The following RNF220 variants were observed in gnomAD, a reference collection of about 807,000 sequenced individuals.
The protein encoded by RNF220 is ring finger protein 220.
In RNF220, 7 loss-of-function variants were observed where a neutral mutation model predicts 67.1. The ratio of observed to expected loss-of-function variants is 0.10; its 90% CI spans 0.06 to 0.20. The LOEUF (loss-of-function observed/expected upper bound fraction) is 0.20, where lower values mean the gene tolerates loss of function less well. RNF220 is among the 10% of genes least tolerant of loss of function. The pLI is 1.00. For missense variants in RNF220, 565 were observed against 740.3 expected, an observed-to-expected ratio of 0.76 and a Z score of 2.75; for synonymous variants, 270 against 283.2, an observed-to-expected ratio of 0.95 and a Z score of 0.47.
intron 2 of RNF220, among the ~76,000 whole-genome samples, chr1:44,481,939 A>C (rs80225733): frequency 6.6e-6 from 1 of 152,234 alleles, no homozygotes; most frequent in Non-Finnish European, 1.5e-5. Context: ...TCTCAGTTGT[A>C]ACAGGAGAGA....
intron 2 of RNF220, among the ~76,000 whole-genome samples, chr1:44,430,128 A>G (rs1038811182): frequency 1.3e-5 from 2 of 151,936 alleles, no homozygotes; most frequent in Non-Finnish European, 2.9e-5. Flanking sequence ...ATCTTTATAT[A>G]TGCATATAAA....
At chr1:44,550,395 T>G (rs1662534094) in intron 2 of RNF220, among the ~76,000 whole-genome samples, 1 of 152,174 alleles carries the variant, frequency 6.6e-6, no homozygotes, top group Non-Finnish European at 1.5e-5. Context: ...CTGGGAAGGC[T>G]GTTGAGTACC....
chr1:44,619,201 G>A (rs1643689884), intron 3 of RNF220, among the ~76,000 whole-genome samples: 1 of 152,200 alleles, frequency 6.6e-6, no homozygotes, highest in African/African-American at 2.4e-5. Flanking sequence ...GCTAAAAGTT[G>A]GGCTTGGCTT....
At chr1:44,629,240 C>T (rs1168938707) in intron 5 of RNF220, among the ~76,000 whole-genome samples, 1 of 152,264 alleles carries the variant, frequency 6.6e-6, no homozygotes, top group Non-Finnish European at 1.5e-5. Flanking sequence ...TCACACATCA[C>T]TTCCACCACT....
At chr1:44,435,381 G>T (rs1021699296) in intron 2 of RNF220, among the ~76,000 whole-genome samples, 4 of 152,164 alleles carry the variant, frequency 2.6e-5, no homozygotes, top group Middle Eastern at 3.2e-3. Context: ...CAAATTAAAT[G>T]AGATAATGTA....
At chr1:44,424,527 G>A (rs1384710005) in intron 2 of RNF220, among the ~76,000 whole-genome samples, 1 of 152,178 alleles carries the variant, frequency 6.6e-6, no homozygotes, top group African/African-American at 2.4e-5. Context: ...GTTTGGCCTT[G>A]CAGAAAGGGG....
chr1:44,559,278 C>T (rs1389148597), intron 2 of RNF220, among the ~76,000 whole-genome samples: 2 of 152,226 alleles, frequency 1.3e-5, no homozygotes, highest in Admixed American at 6.5e-5. Context: ...CACACTGCCA[C>T]GCTGTTCTGT....
At chr1:44,421,194 A>G (rs1031706688) in intron 2 of RNF220, among the ~76,000 whole-genome samples, 1 of 152,090 alleles carries the variant, frequency 6.6e-6, no homozygotes, top group African/African-American at 2.4e-5. Flanking sequence ...AGAGGATTTG[A>G]CTCGGGTTGG....
At chr1:44,422,504 C>A (rs1293979378) in intron 2 of RNF220, among the ~76,000 whole-genome samples, 2 of 152,142 alleles carry the variant, frequency 1.3e-5, no homozygotes, top group African/African-American at 4.8e-5. Flanking sequence ...TGCTTCATTG[C>A]AAATGCTGCC....
chr1:44,579,048 C>T (rs1027310795), intron 2 of RNF220, among the ~76,000 whole-genome samples: 6 of 151,338 alleles, frequency 4.0e-5, no homozygotes, highest in Non-Finnish European at 8.8e-5. Context: ...CCCAGCTACT[C>T]GGGAGGCTGA....
At position 44,632,465 on chromosome 1, in the gene RNF220, G is replaced by T. The variant is rs979006312; in HGVS notation, c.949+80G>T. On this transcript the variant is annotated intron_variant, in intron 6 of 14. Transcript: ENST00000361799. The stretch of plus-strand genomic sequence containing the variant: ...CCTCACTGCCTGCCGCTCCTGGCTT[G>T]CCTGGGTCTCTTCGACTCTGGGGCC... 139 of 1,387,232 alleles carry T rather than the reference G, an allele frequency of 1.0e-4. 1 individual carries two copies. The highest frequency in any genetic ancestry group is 2.5e-4 in the Middle Eastern group (1 of 3,986). The allele number at this position is 1,387,232 out of a possible 1,614,324, so 85.9% of individuals were successfully genotyped here.
At chr1:44,648,233 G>A (rs1644701337) in intron 12 of RNF220, 1 of 152,216 alleles carries the variant, frequency 6.6e-6, no homozygotes, top group African/African-American at 2.4e-5. Context: ...TGGGGACCTT[G>A]AGCAAGCTAC....
At chr1:44,535,236 G>A (rs112029915) in intron 2 of RNF220, among the ~76,000 whole-genome samples, 4 of 151,188 alleles carry the variant, frequency 2.6e-5, no homozygotes, top group African/African-American at 7.3e-5. Flanking sequence ...TGCCTCCCTG[G>A]GTTCAGCGAT....
intron 3 of RNF220, among the ~76,000 whole-genome samples, chr1:44,617,280 G>T (rs1025652601): frequency 2.0e-5 from 3 of 152,012 alleles, no homozygotes; most frequent in African/African-American, 7.3e-5. Context: ...CGCCCGGCGC[G>T]CTGACAGTTG....
At chr1:44,504,155 G>A (rs940425526) in intron 2 of RNF220, among the ~76,000 whole-genome samples, 1 of 152,158 alleles carries the variant, frequency 6.6e-6, no homozygotes, top group Non-Finnish European at 1.5e-5. Flanking sequence ...GCCGCCATCC[G>A]TGTTTTAACA....
chr1:44,510,285 AGAAG>A (rs1299019380), intron 2 of RNF220, among the ~76,000 whole-genome samples: 1 of 148,352 alleles, frequency 6.7e-6, no homozygotes, highest in East Asian at 2.1e-4. Flanking sequence ...GAGGGAGAAA[AGAAG>A]GAAGGAAGGG....
Position 44,650,774 on chromosome 1 carries a change from G to A in RNF220, c.1700G>A (p.Ter567=), listed in dbSNP as rs764970333. The A allele has an allele frequency of 1.5e-5, 24 of 1,613,364 alleles. No individual in the cohort carries two copies. The highest frequency in any genetic ancestry group is 1.6e-4 in the Middle Eastern group (1 of 6,084). The change falls in exon 15 of 15, where the codon TGA becomes TAA. Residue 567 remains the stop codon, a stop_retained_variant. Transcript: ENST00000361799. The surrounding 1 kb of genome is among the most constrained non-coding windows in gnomAD (Gnocchi z 4.3). ...APGDLRRIYL[*] The stretch of plus-strand genomic sequence containing the variant: ...GGAGACCTGCGGAGGATCTACTTGT[G>A]AGCTATCTGCCCCAGGCAGGCCTCG...
In RNF220 at chr1:44,645,942, C is replaced by T. The variant is rs1644632957; in HGVS notation, c.1445+454C>T. On this transcript the variant is annotated intron_variant, in intron 12 of 14. Transcript: ENST00000361799. The surrounding 1 kb of genome is among the most constrained non-coding windows in gnomAD (Gnocchi z 5.0). ...CTGGTAGGAATTTTTGGCCTGGGTTCTCTGGCAGAGGAAAAGGGATCCATT... is the reference window on the plus strand; with the variant it reads ...CTGGTAGGAATTTTTGGCCTGGGTTTTCTGGCAGAGGAAAAGGGATCCATT... 6.6e-6 allele frequency among the ~76,000 whole-genome samples: 1 copy of T among 152,240 alleles called. No homozygotes were observed. The highest frequency in any genetic ancestry group is 2.1e-4 in the South Asian group (1 of 4,834).
intron 2 of RNF220, among the ~76,000 whole-genome samples, chr1:44,479,884 A>G (rs1201946619): frequency 1.3e-5 from 2 of 152,168 alleles, no homozygotes; most frequent in Admixed American, 1.3e-4. Flanking sequence ...CATGCTTGCA[A>G]TGTTTTGCCT....
Sources: gnomAD v4.1 joint callset for allele counts (sites outside exome capture counted in the v4.1 genomes callset) on GRCh38, gnomAD v4.1.1 for gene constraint, Gnocchi (gnomAD v3.1) non-coding constraint, MANE v1.5 for transcripts, NCBI Gene and HGNC (gene_info 2026-07-23, HGNC 2026-07-21) for gene names.